The following TUG1 variants were observed in gnomAD, a reference collection of about 807,000 sequenced individuals.
TUG1 encodes taurine up-regulated 1.
At chr22:30,972,329 A>C (rs868783511) in intron 1 of TUG1, 3 of 152,292 alleles carry the variant, frequency 2.0e-5, no homozygotes, top group Middle Eastern at 3.4e-3. Context: ...ATGTTGAATG[A>C]TGGGGTATTA....
At chr22:30,974,800 G>A (rs1267557143) in intron 2 of TUG1, 1 of 152,172 alleles carries the variant, frequency 6.6e-6, no homozygotes, top group Non-Finnish European at 1.5e-5. Context: ...TTGCATCTCA[G>A]GTGGGTTAAG....
chr22:30,974,822 G>C (rs754612877), intron 2 of TUG1: 4 of 152,326 alleles, frequency 2.6e-5, no homozygotes, highest in African/African-American at 9.6e-5. Context: ...AGGTTGGGAA[G>C]GGGAGAAAAG....
exon 3 of TUG1, chr22:30,976,923 G>A (rs1386867017): frequency 6.6e-6 from 1 of 152,162 alleles, no homozygotes; most frequent in Non-Finnish European, 1.5e-5. Flanking sequence ...ATAAAATCTG[G>A]TTGACTAGCC....
exon 3 of TUG1, chr22:30,978,323 C>T (rs532295770): frequency 6.6e-6 from 1 of 152,312 alleles, no homozygotes; most frequent in East Asian, 1.9e-4. Context: ...AAACTTATCT[C>T]TCATGGTGTT....
At chr22:30,975,579 C>T (rs1457735734) in exon 3 of TUG1, 2 of 152,212 alleles carry the variant, frequency 1.3e-5, no homozygotes, top group African/African-American at 4.8e-5. Flanking sequence ...TGATCATTTG[C>T]TGAAGATGGT....
exon 3 of TUG1, chr22:30,975,755 A>G (rs1219589895): frequency 2.6e-5 from 4 of 152,118 alleles, no homozygotes; most frequent in Non-Finnish European, 4.4e-5. Context: ...TGAAGTCTTG[A>G]CCCTCCATGA....
chr22:30,979,099 C>T (rs890921149), exon 3 of TUG1: 5 of 151,898 alleles, frequency 3.3e-5, no homozygotes, highest in African/African-American at 1.2e-4. Flanking sequence ...AGGTGTGGTT[C>T]AGCCATATAG....
chr22:30,971,251 G>A (rs962914367), exon 1 of TUG1: 33 of 152,164 alleles, frequency 2.2e-4, no homozygotes, highest in African/African-American at 7.7e-4. Context: ...TTTCCTAAAG[G>A]GCAGAGACAG....
At chr22:30,970,878 A>G (rs1464844200) in exon 1 of TUG1, 2 of 152,154 alleles carry the variant, frequency 1.3e-5, no homozygotes, top group South Asian at 2.1e-4. Flanking sequence ...GTTTTGTTAG[A>G]ACTACTGCGG....
chr22:30,970,861 C>T (rs1049615974), exon 1 of TUG1: 2 of 152,118 alleles, frequency 1.3e-5, no homozygotes, highest in African/African-American at 4.8e-5. Context: ...TTAACATTGT[C>T]TGAAAAGTTT....
chr22:30,976,594 A>G (rs1015377635), exon 3 of TUG1: 3 of 152,186 alleles, frequency 2.0e-5, no homozygotes, highest in African/African-American at 7.2e-5. Flanking sequence ...CATGATATAT[A>G]TTTAAGGCAG....
chr22:30,977,538 CTG>C (rs2041303109), exon 3 of TUG1: 1 of 152,166 alleles, frequency 6.6e-6, no homozygotes, highest in Admixed American at 6.5e-5. Context: ...GATCAGAAAA[CTG>C]TATCCAGAAT....
intron 2 of TUG1, 111 bp downstream of exon 2, chr22:30,973,698 T>G (rs1212495051): frequency 6.6e-6 from 1 of 152,244 alleles, no homozygotes; most frequent in Non-Finnish European, 1.5e-5. Flanking sequence ...TAATCCCTTT[T>G]TGGAAATGAG....
At chr22:30,978,570 T>A (rs1449008779) in exon 3 of TUG1, 2 of 152,194 alleles carry the variant, frequency 1.3e-5, no homozygotes, top group Admixed American at 1.3e-4. Context: ...TGGGTGAACA[T>A]GTAATTCAGA....
intron 2 of TUG1, chr22:30,974,264 C>CAA (rs2041262897): frequency 6.7e-6 from 1 of 149,632 alleles, no homozygotes; most frequent in South Asian, 2.1e-4. Flanking sequence ...TTCCCCCAGT[C>CAA]TACATTGAGG....
chr22:30,977,722 T>C (rs1331272555), exon 3 of TUG1: 1 of 152,202 alleles, frequency 6.6e-6, no homozygotes, highest in Non-Finnish European at 1.5e-5. Flanking sequence ...CTTTTTCACA[T>C]GTTGCTGCAA....
At chr22:30,973,378 G>A (rs182293646) in exon 2 of TUG1, 22 of 152,276 alleles carry the variant, frequency 1.4e-4, no homozygotes, top group Admixed American at 4.6e-4. Flanking sequence ...TTCAAATCCT[G>A]TAGTAGCCTA....
chr22:30,971,950 AT>A (rs1036501753), intron 1 of TUG1, 171 bp downstream of exon 1: 2 of 152,278 alleles, frequency 1.3e-5, no homozygotes, highest in African/African-American at 4.8e-5. Context: ...ACTAGCCAGA[AT>A]AGAGCTTTAA....
At chr22:30,977,569 CCT>C (rs772800556) in exon 3 of TUG1, 153 of 152,248 alleles carry the variant, frequency 1.0e-3, no homozygotes, top group African/African-American at 3.6e-3. Context: ...TGGATTAACC[CCT>C]GAGTACCCAG....
Sources: allele counts gnomAD v4.1 joint callset, GRCh38; gene constraint gnomAD v4.1.1; transcripts MANE v1.5; gene names NCBI Gene and HGNC (gene_info 2026-07-23, HGNC 2026-07-21).